DSCAM: variants seen among roughly 807,000 people sequenced by gnomAD.
DSCAM encodes the protein DS cell adhesion molecule, also known as cell adhesion molecule DSCAM.
Under a neutral mutation model 217.7 loss-of-function variants are expected in DSCAM, and 47 were observed. The observed-to-expected ratio is 0.22, with a 90% CI of 0.17 to 0.28. The LOEUF (loss-of-function observed/expected upper bound fraction) is 0.28, where lower values mean the gene tolerates loss of function less well. Ranked by LOEUF, DSCAM falls within the 10% of genes least tolerant of loss-of-function variation. The pLI is 1.00. For synonymous variants in DSCAM, 1,056 were observed against 1,015.3 expected (o/e 1.04, Z -0.76); for missense variants, 2,080 against 2,618.3 (o/e 0.79, Z 4.49).
chr21:40,093,580 A>G, intron 21 of DSCAM, 141 bp downstream of exon 21: 1 of 1,044,324 alleles, frequency 9.6e-7, no homozygotes, highest in East Asian at 2.6e-5. Context: ...CTTGTTAGCC[A>G]CAACCCTGTT....
At chr21:40,039,031 G>C (rs543326251) in intron 32 of DSCAM, among the ~76,000 whole-genome samples, 2 of 118,118 alleles carry the variant, frequency 1.7e-5, no homozygotes, top group Non-Finnish European at 3.4e-5. Context: ...GTGGGGGGAG[G>C]GGGGAGGGAT....
chr21:40,427,044 T>C (rs1402507354), intron 3 of DSCAM, among the ~76,000 whole-genome samples: 1 of 152,210 alleles, frequency 6.6e-6, no homozygotes. Flanking sequence ...TACCAGAAGC[T>C]TGAGTGTTCT....
At chr21:40,659,257 T>C (rs891826491) in intron 3 of DSCAM, among the ~76,000 whole-genome samples, 3 of 152,208 alleles carry the variant, frequency 2.0e-5, no homozygotes, top group Non-Finnish European at 2.9e-5. Context: ...CCCTTCCTCC[T>C]ATAGAAGGAT....
rs537235616 is a variant in DSCAM, at chr21:40,684,631, T to C, written c.508+8179A>G. On this transcript the variant is annotated intron_variant, in intron 3 of 32. Transcript: ENST00000400454. The stretch of plus-strand genomic sequence containing the variant: ...ACTGACTTCTTGAGTAGCTAGCAAG[T>C]TATTCTGAGTCAAAAATTATATTTC... 3.2e-4 allele frequency among the ~76,000 whole-genome samples: 49 copies of C among 152,360 alleles called. 1 individual carries two copies. The South Asian group carries it at 8.5e-3, about 26-fold the overall frequency.
At chr21:40,635,629 G>A (rs1186435860) in intron 3 of DSCAM, among the ~76,000 whole-genome samples, 2 of 152,110 alleles carry the variant, frequency 1.3e-5, no homozygotes, top group African/African-American at 2.4e-5. Context: ...GATTGAGAAT[G>A]TGTGGACAGT....
intron 3 of DSCAM, 163 bp from the exon 4 acceptor site, chr21:40,369,408 G>A (rs1012819542): frequency 1.6e-4 from 91 of 573,748 alleles, no homozygotes; most frequent in Non-Finnish European, 2.0e-4. Flanking sequence ...GTGTGTGTGT[G>A]TGTGTGTGTG....
chr21:40,079,059 C>A, intron 25 of DSCAM, 82 bp from the exon 26 acceptor site: 1 of 1,492,310 alleles, frequency 6.7e-7, no homozygotes, highest in Non-Finnish European at 9.1e-7. Context: ...CCTCGGACTG[C>A]TTCCTCCAGC....
chr21:40,583,838 A>G lies in DSCAM; in HGVS notation c.508+108972T>C, dbSNP rs573365229. 2.0e-5 allele frequency among the ~76,000 whole-genome samples: 3 copies of G among 152,024 alleles called. No homozygotes were observed. In the South Asian group the frequency reaches 6.2e-4, roughly 32 times the overall value. On this transcript the variant is annotated intron_variant, in intron 3 of 32. Transcript: ENST00000400454. ...TGCATGTGTGGGATCAGGGGTGTAC[A>G]GGAAACCTCTGTACCTTCCACTCGG...
At chr21:40,587,429 T>G (rs531594666) in intron 3 of DSCAM, among the ~76,000 whole-genome samples, 95 of 152,332 alleles carry the variant, frequency 6.2e-4, no homozygotes, top group Non-Finnish European at 1.1e-3. Context: ...TTTATACAAT[T>G]TTTTATCACA....
chr21:40,683,730 G>A (rs2090442621), intron 3 of DSCAM, among the ~76,000 whole-genome samples: 1 of 152,120 alleles, frequency 6.6e-6, no homozygotes, highest in African/African-American at 2.4e-5. Context: ...AGCCATGAAG[G>A]AGGTAGAAAG....
intron 16 of DSCAM, among the ~76,000 whole-genome samples, chr21:40,160,272 T>C (rs2090526419): frequency 6.6e-6 from 1 of 152,200 alleles, no homozygotes; most frequent in South Asian, 2.1e-4. Context: ...TTAAGGTCAT[T>C]TTGTTAGGTG....
chr21:40,583,558 T>G (rs1175208667), intron 3 of DSCAM, among the ~76,000 whole-genome samples: 1 of 150,412 alleles, frequency 6.6e-6, no homozygotes, highest in Non-Finnish European at 1.5e-5. Context: ...ACCAGGGGAG[T>G]GGGAAGGAAA....
intron 16 of DSCAM, among the ~76,000 whole-genome samples, chr21:40,163,088 C>T (rs575879418): frequency 4.1e-5 from 6 of 147,170 alleles, no homozygotes; most frequent in Admixed American, 3.4e-4. Flanking sequence ...CACACACACA[C>T]ACACACACAC....
At chr21:40,302,466 T>A (rs532166012) in intron 9 of DSCAM, among the ~76,000 whole-genome samples, 3 of 152,190 alleles carry the variant, frequency 2.0e-5, no homozygotes, top group African/African-American at 7.2e-5. Context: ...TTTTTCTTTA[T>A]AAATTAGCCA....
At chr21:40,489,658 C>T (rs1376261133) in intron 3 of DSCAM, among the ~76,000 whole-genome samples, 1 of 150,292 alleles carries the variant, frequency 6.7e-6, no homozygotes, top group Non-Finnish European at 1.5e-5. Flanking sequence ...GCCTGTAGTC[C>T]CAGCTACTCG....
chr21:40,316,275 C>T (rs2074195902), intron 8 of DSCAM, among the ~76,000 whole-genome samples: 1 of 152,176 alleles, frequency 6.6e-6, no homozygotes, highest in Admixed American at 6.5e-5. Context: ...GGTCAGTATG[C>T]ACATTACATC....
intron 18 of DSCAM, among the ~76,000 whole-genome samples, chr21:40,138,901 G>A (rs528193700): frequency 1.4e-5 from 2 of 146,916 alleles, no homozygotes; most frequent in African/African-American, 5.0e-5. Flanking sequence ...GTGTAAGTGT[G>A]GTGTGTGTGG....
intron 3 of DSCAM, among the ~76,000 whole-genome samples, chr21:40,490,331 A>G (rs2076066480): frequency 6.6e-6 from 1 of 152,216 alleles, no homozygotes; most frequent in South Asian, 2.1e-4. Context: ...GTTATACACA[A>G]TAAATACAGT....
chr21:40,655,440 G>C (rs2090063411), intron 3 of DSCAM, among the ~76,000 whole-genome samples: 1 of 123,048 alleles, frequency 8.1e-6, no homozygotes, highest in Non-Finnish European at 1.7e-5. Context: ...CCTTCAATCT[G>C]TCTCTCTTTT....
Sources: gnomAD v4.1 joint callset for allele counts (sites outside exome capture counted in the v4.1 genomes callset) on GRCh38, gnomAD v4.1.1 for gene constraint, MANE v1.5 for transcripts, NCBI Gene and HGNC (gene_info 2026-07-23, HGNC 2026-07-21) for gene names.